The following PTCHD4 variants were observed in gnomAD, a reference collection of about 807,000 sequenced individuals.
PTCHD4 encodes the protein patched domain containing 4.
PTCHD4 carries 33 observed loss-of-function variants against 58.1 expected under a neutral mutation model. The ratio of observed to expected loss-of-function variants is 0.57; its 90% confidence interval spans 0.43 to 0.76. The LOEUF (loss-of-function observed/expected upper bound fraction) is 0.76, where lower values mean the gene tolerates loss of function less well. Ranked by LOEUF, PTCHD4 falls within the 30% of genes least tolerant of loss-of-function variation. The pLI is 0.00. For missense variants in PTCHD4, 1,058 were observed against 1,027.1 expected, an observed-to-expected ratio of 1.03 and a Z score of -0.41; for synonymous variants, 478 against 409.6, an observed-to-expected ratio of 1.17 and a Z score of -2.02.
At chr6:47,893,279 G>A (rs538414008) in intron 4 of PTCHD4, among the ~76,000 whole-genome samples, 3 of 151,938 alleles carry the variant, frequency 2.0e-5, no homozygotes, top group South Asian at 4.2e-4. Context: ...AAAGTACTGG[G>A]ATTACAGGCG....
rs1323626941 is a variant in PTCHD4, at chr6:47,858,022, A to G, written c.*20281T>C. On this transcript the variant is annotated 3_prime_UTR_variant, in exon 5 of 5. Coordinates refer to ENST00000339488, the MANE Select transcript of PTCHD4 (RefSeq NM_001384253.1). ...AACACAAACATTTCTGAAACGTTTC[A>G]GTTGATTGAGCTTGTAAGCTAAAGA... Among the ~76,000 whole-genome samples, 1 of 152,008 alleles carries G rather than the reference A, an allele frequency of 6.6e-6. No individual in the cohort carries two copies. The highest frequency in any genetic ancestry group is 1.5e-5 in the Non-Finnish European group (1 of 67,954).
chr6:48,018,837 T>C (rs773789200), intron 3 of PTCHD4, among the ~76,000 whole-genome samples: 19 of 152,218 alleles, frequency 1.2e-4, no homozygotes, highest in Non-Finnish European at 1.9e-4. Context: ...ATAAGAGAAG[T>C]TGGCCACCAC....
intron 4 of PTCHD4, among the ~76,000 whole-genome samples, chr6:47,987,084 A>G (rs186004479): frequency 6.6e-6 from 1 of 152,126 alleles, no homozygotes; most frequent in Non-Finnish European, 1.5e-5. Context: ...TTTGAATATT[A>G]TCTATTGGAT....
In PTCHD4 at chr6:47,879,126, C is replaced by G; in HGVS notation, c.1709G>C (p.Ser570Thr). The G allele has an allele frequency of 6.2e-7, 1 of 1,612,316 alleles. No homozygotes were observed. The highest frequency in any genetic ancestry group is 8.5e-7 in the Non-Finnish European group (1 of 1,179,684). ...VSANNKSDFISVLQSSFLKKP... is the reference protein window; with the variant it reads ...VSANNKSDFITVLQSSFLKKP... ...TTTTAAAAATGAGCTTTGCAGGACACTGATGAAGTCACTTTTGTTATTGGC... is the reference window on the plus strand; with the variant it reads ...TTTTAAAAATGAGCTTTGCAGGACAGTGATGAAGTCACTTTTGTTATTGGC... Residue 570 changes from serine to threonine, a missense_variant, in exon 5 of 5, where the codon AGT (serine) becomes ACT (threonine). Physicochemically the swap from Ser to Thr is moderately conservative, Grantham distance 58. Transcript: ENST00000339488.
At chr6:47,903,173 T>G (rs1473674068) in intron 4 of PTCHD4, among the ~76,000 whole-genome samples, 2 of 152,158 alleles carry the variant, frequency 1.3e-5, no homozygotes, top group Non-Finnish European at 1.5e-5. Context: ...ATGTACAAAC[T>G]TTTTTTCAGC....
At chr6:47,911,562 ATG>A (rs1358950224) in intron 4 of PTCHD4, among the ~76,000 whole-genome samples, 1 of 152,138 alleles carries the variant, frequency 6.6e-6, no homozygotes, top group Non-Finnish European at 1.5e-5. Context: ...GGAGTAAAGG[ATG>A]ATGTCCAGGT....
intron 3 of PTCHD4, among the ~76,000 whole-genome samples, chr6:48,013,755 A>G (rs569540308): frequency 6.6e-6 from 1 of 152,174 alleles, no homozygotes; most frequent in East Asian, 1.9e-4. Context: ...GAAAGTTTTT[A>G]AAAAGCATTA....
chr6:47,949,335 A>C (rs1766541616), intron 4 of PTCHD4, among the ~76,000 whole-genome samples: 1 of 152,180 alleles, frequency 6.6e-6, no homozygotes, highest in Non-Finnish European at 1.5e-5. Context: ...GGAACAGAGT[A>C]AGGGGAAAGC....
At chr6:48,078,935 G>A (rs1188890772) in intron 1 of PTCHD4, among the ~76,000 whole-genome samples, 2 of 151,970 alleles carry the variant, frequency 1.3e-5, no homozygotes, top group African/African-American at 2.4e-5. Context: ...TGGCTAACAC[G>A]GTGAAACCCC....
chr6:47,890,528 C>T (rs1223229986), intron 4 of PTCHD4, among the ~76,000 whole-genome samples: 2 of 152,184 alleles, frequency 1.3e-5, no homozygotes, highest in African/African-American at 2.4e-5. Flanking sequence ...GATTGTTAGG[C>T]GTTTTAGATA....
At chr6:47,914,544 A>G (rs1054931168) in intron 4 of PTCHD4, among the ~76,000 whole-genome samples, 70 of 152,144 alleles carry the variant, frequency 4.6e-4, no homozygotes, top group African/African-American at 1.6e-3. Context: ...TTCATCTTCC[A>G]GAAGACATAT....
intron 4 of PTCHD4, among the ~76,000 whole-genome samples, chr6:47,925,179 A>ATGTG (rs1380938074): frequency 4.8e-5 from 7 of 145,986 alleles, no homozygotes; most frequent in African/African-American, 1.6e-4. Flanking sequence ...TATATTATAT[A>ATGTG]TATGTGTGTG....
At chr6:48,026,836 G>A (rs1763264060) in intron 3 of PTCHD4, among the ~76,000 whole-genome samples, 1 of 151,978 alleles carries the variant, frequency 6.6e-6, no homozygotes, top group Non-Finnish European at 1.5e-5. Context: ...TATTGGGGCA[G>A]ACGAAAATAT....
chr6:47,909,106 C>T (rs1490796054), intron 4 of PTCHD4, among the ~76,000 whole-genome samples: 3 of 152,072 alleles, frequency 2.0e-5, no homozygotes, highest in Non-Finnish European at 2.9e-5. Context: ...CACTAATATA[C>T]AGGCTTAATG....
chr6:48,105,620 A>G (rs563938680), intron 1 of PTCHD4, among the ~76,000 whole-genome samples: 50 of 152,282 alleles, frequency 3.3e-4, no homozygotes, highest in Non-Finnish European at 6.0e-4. Context: ...TGAAGGAAAT[A>G]GAGACAAAAA....
intron 3 of PTCHD4, among the ~76,000 whole-genome samples, chr6:48,012,286 C>A (rs1246454204): frequency 2.0e-5 from 3 of 152,178 alleles, no homozygotes; most frequent in Non-Finnish European, 4.4e-5. Flanking sequence ...AGGTCCTTTA[C>A]ATGCATTGTA....
At chr6:48,017,682 A>AACAATAAGG (rs1762913762) in intron 3 of PTCHD4, among the ~76,000 whole-genome samples, 2 of 152,200 alleles carry the variant, frequency 1.3e-5, no homozygotes, top group African/African-American at 4.8e-5. Context: ...GCCTCAAGTC[A>AACAATAAGG]ACAATAAGGA....
chr6:47,973,951 A>C (rs1381977480), intron 4 of PTCHD4, among the ~76,000 whole-genome samples: 1 of 152,188 alleles, frequency 6.6e-6, no homozygotes, highest in Non-Finnish European at 1.5e-5. Context: ...TATTGCCAGC[A>C]ATTGCCACTG....
chr6:48,039,231 G>C (rs992308681), intron 3 of PTCHD4, among the ~76,000 whole-genome samples: 3 of 152,088 alleles, frequency 2.0e-5, no homozygotes, highest in African/African-American at 7.2e-5. Flanking sequence ...GAACCAATAA[G>C]GCTAAGCAAA....
Sources: allele counts gnomAD v4.1 joint callset (sites outside exome capture counted in the v4.1 genomes callset), GRCh38; gene constraint gnomAD v4.1.1; transcripts MANE v1.5; gene names NCBI Gene and HGNC (gene_info 2026-07-23, HGNC 2026-07-21).